JAKMIP3: variants seen among roughly 807,000 people sequenced by gnomAD.
The protein encoded by JAKMIP3 is Janus kinase and microtubule interacting protein 3.
Under a neutral mutation model 118.5 loss-of-function variants are expected in JAKMIP3, and 58 were observed. That is an observed-to-expected ratio of 0.49 (90% CI 0.40 to 0.61). JAKMIP3 has a LOEUF of 0.61. Among genes scored for constraint, JAKMIP3 ranks in the 20% least tolerant of loss-of-function variants. The pLI, the probability that JAKMIP3 is intolerant of heterozygous loss-of-function variation, is 0.00. For synonymous variants in JAKMIP3, 486 were observed against 451.2 expected (o/e 1.08, Z -0.98); for missense variants, 950 against 1,109.0 (o/e 0.86, Z 2.04).
chr10:132,050,247 T>C (rs7101189), intron 1 of JAKMIP3, among the ~76,000 whole-genome samples: 3,040 of 152,290 alleles, frequency 0.02, 98 homozygotes, highest in African/African-American at 0.069. Flanking sequence ...GGCCCTCAGA[T>C]CCTCGCGCTG....
chr10:132,048,595 G>C (rs886541387), intron 1 of JAKMIP3, among the ~76,000 whole-genome samples: 3 of 151,920 alleles, frequency 2.0e-5, no homozygotes, highest in African/African-American at 7.3e-5. Flanking sequence ...TTTGCGGTGT[G>C]TGTGTGTGTT....
At chr10:132,127,224 CTTT>C (rs11354978) in intron 3 of JAKMIP3, among the ~76,000 whole-genome samples, 3 of 129,022 alleles carry the variant, frequency 2.3e-5, no homozygotes, top group Non-Finnish European at 5.1e-5. Context: ...TTAGACTTTT[CTTT>C]TTTTTTTTTT....
At position 132,180,680 on chromosome 10, in the gene JAKMIP3, CGCGTGT is replaced by C. The variant is rs1372642756; in HGVS notation, c.*1104-1675_*1104-1670del. Among the ~76,000 whole-genome samples, 32 of 5,944 alleles carry C rather than the reference CGCGTGT, an allele frequency of 5.4e-3. 3 individuals are homozygous for C. Among genetic ancestry groups the C allele is most frequent in the African/African-American group, 0.014 (20 of 1,396 alleles). 3.9% of individuals were successfully genotyped at this position (5,944 alleles called of 152,430 possible). ...GTGCGTGTGTGCGTGTGTGTGCGCG[CGCGTGT>C]GTGTGCGTGCGTGTGTGTGTGCGCG... On this transcript the variant is annotated intron_variant, in intron 23 of 23. Coordinates refer to ENST00000684848, the MANE Select transcript of JAKMIP3 (RefSeq NM_001323087.2).
Position 132,135,938 on chromosome 10 carries a change from C to G in JAKMIP3, c.978C>G (p.Arg326=). The G allele has an allele frequency of 6.2e-7, 1 of 1,612,102 alleles. No individual in the cohort carries two copies. The highest frequency in any genetic ancestry group is 8.5e-7 in the Non-Finnish European group (1 of 1,179,330). Residue 326 remains arginine, a synonymous_variant, in exon 6 of 24, where the codon CGC becomes CGG. Transcript: ENST00000684848. Reference sequence around the variant, plus strand: ...AGTGCGTTGTCTTTCAGTTGAAGCGCGTAAGAGAAGCTGAGAGTCAGTACA... The same window carrying G: ...AGTGCGTTGTCTTTCAGTTGAAGCGGGTAAGAGAAGCTGAGAGTCAGTACA... ...LSEERNELLK[R]VREAESQYKP...
chr10:132,139,959 T>G (rs991781326), intron 9 of JAKMIP3, among the ~76,000 whole-genome samples: 12 of 152,240 alleles, frequency 7.9e-5, no homozygotes, highest in Non-Finnish European at 1.5e-4. Flanking sequence ...GCCCTAAAGA[T>G]GCAGACGTCG....
intron 1 of JAKMIP3, among the ~76,000 whole-genome samples, chr10:132,088,783 A>G (rs548536472): frequency 6.6e-6 from 1 of 152,302 alleles, no homozygotes; most frequent in South Asian, 2.1e-4. Context: ...GTCCTTGCCC[A>G]TGCCTATGTC....
At chr10:132,072,924 A>G (rs969813283) in intron 1 of JAKMIP3, among the ~76,000 whole-genome samples, 1 of 151,944 alleles carries the variant, frequency 6.6e-6, no homozygotes, top group African/African-American at 2.4e-5. Context: ...TCCACCTTTT[A>G]TAGTCTCCAG....
At chr10:132,053,427 C>T (rs1007455437) in intron 1 of JAKMIP3, among the ~76,000 whole-genome samples, 3 of 152,226 alleles carry the variant, frequency 2.0e-5, no homozygotes, top group African/African-American at 7.2e-5. Flanking sequence ...CTTTGTCTCT[C>T]ATCTCCCTCA....
chr10:132,073,493 C>CTTTTTT (rs59985814), intron 1 of JAKMIP3, among the ~76,000 whole-genome samples: 1 of 134,902 alleles, frequency 7.4e-6, no homozygotes, highest in Non-Finnish European at 1.6e-5. Context: ...CCTATCTTTA[C>CTTTTTT]TTTTTTTTTT....
chr10:132,076,890 C>CT (rs1215379009), intron 1 of JAKMIP3, among the ~76,000 whole-genome samples: 7 of 148,980 alleles, frequency 4.7e-5, no homozygotes, highest in African/African-American at 1.7e-4. Flanking sequence ...CCGGGTCTGA[C>CT]TGATTAAGGG....
chr10:132,180,736 T>C (rs796826909), intron 23 of JAKMIP3, among the ~76,000 whole-genome samples: 996 of 11,312 alleles, frequency 0.088, 243 homozygotes, highest in East Asian at 0.47. Flanking sequence ...TGTGCGTGTG[T>C]GCGTGCGTGC....
At chr10:132,097,912 CCCTTCCCCT>C (rs1564892662) in intron 1 of JAKMIP3, among the ~76,000 whole-genome samples, 12 of 46,406 alleles carry the variant, frequency 2.6e-4, no homozygotes, top group South Asian at 1.3e-3. Context: ...CTTCCCCTTC[CCCTTCCCCT>C]TTCCTTCCCC....
chr10:132,136,527 C>T (rs1014904397), intron 6 of JAKMIP3, among the ~76,000 whole-genome samples: 5 of 152,224 alleles, frequency 3.3e-5, no homozygotes, highest in African/African-American at 9.6e-5. Flanking sequence ...CAGCCGGTGT[C>T]ACCACGTTCC....
intron 3 of JAKMIP3, among the ~76,000 whole-genome samples, chr10:132,122,718 C>T (rs1808278978): frequency 6.6e-6 from 1 of 152,122 alleles, no homozygotes; most frequent in Admixed American, 6.5e-5. Context: ...ACACCCCAGA[C>T]AAGCACGGTC....
chr10:132,131,852 C>T (rs1564935229), intron 3 of JAKMIP3, among the ~76,000 whole-genome samples: 2 of 152,142 alleles, frequency 1.3e-5, no homozygotes, highest in Non-Finnish European at 2.9e-5. Flanking sequence ...CCCCCACCCA[C>T]AGCCCCATGG....
At chr10:132,075,779 T>C (rs2040693170) in intron 1 of JAKMIP3, among the ~76,000 whole-genome samples, 1 of 152,164 alleles carries the variant, frequency 6.6e-6, no homozygotes, top group Non-Finnish European at 1.5e-5. Flanking sequence ...CTCTTATCCT[T>C]CCAAATGAAT....
chr10:132,089,922 C>G (rs576259623), intron 1 of JAKMIP3, among the ~76,000 whole-genome samples: 1 of 152,200 alleles, frequency 6.6e-6, no homozygotes, highest in East Asian at 1.9e-4. Flanking sequence ...GCATGAAGGG[C>G]TGTTGAATTT....
chr10:132,089,365 G>A (rs2042835073), intron 1 of JAKMIP3, among the ~76,000 whole-genome samples: 1 of 152,180 alleles, frequency 6.6e-6, no homozygotes, highest in African/African-American at 2.4e-5. Flanking sequence ...CCATTTGTAT[G>A]TGTCCTCTTT....
intron 2 of JAKMIP3, among the ~76,000 whole-genome samples, chr10:132,115,589 T>A (rs1485260563): frequency 6.6e-6 from 1 of 151,862 alleles, no homozygotes; most frequent in Non-Finnish European, 1.5e-5. Context: ...GCAGAGGAGG[T>A]TGGTGTGTTC....
Sources: allele counts gnomAD v4.1 joint callset (sites outside exome capture counted in the v4.1 genomes callset), GRCh38; gene constraint gnomAD v4.1.1; transcripts MANE v1.5; gene names NCBI Gene and HGNC (gene_info 2026-07-23, HGNC 2026-07-21).